ATRNL1: variants seen among roughly 807,000 people sequenced by gnomAD.
The protein encoded by ATRNL1 is attractin like 1.
A neutral mutation model predicts 182.7 loss-of-function variants in ATRNL1; 95 were observed. The observed-to-expected ratio is 0.52, with a 90% CI of 0.44 to 0.62. The LOEUF (loss-of-function observed/expected upper bound fraction) is 0.62, where lower values mean the gene tolerates loss of function less well. Among genes scored for constraint, ATRNL1 ranks in the 20% least tolerant of loss-of-function variants. ATRNL1 has a pLI of 0.00. For synonymous variants in ATRNL1, 576 were observed against 568.3 expected, an observed-to-expected ratio of 1.01 and a Z score of -0.19; for missense variants, 1,471 against 1,679.5, an observed-to-expected ratio of 0.88 and a Z score of 2.17.
intron 27 of ATRNL1, among the ~76,000 whole-genome samples, chr10:115,787,930 A>C (rs2134204560): frequency 6.6e-6 from 1 of 152,356 alleles, no homozygotes; most frequent in South Asian, 2.1e-4. Context: ...TAGTAGATGC[A>C]GAGATTTGAG....
chr10:115,328,523 A>T (rs1417878567), intron 18 of ATRNL1, among the ~76,000 whole-genome samples: 16 of 152,118 alleles, frequency 1.1e-4, no homozygotes, highest in African/African-American at 3.9e-4. Flanking sequence ...ATTGCATCAT[A>T]GGTATTCCTC....
At chr10:115,266,452 A>T (rs1851612540) in intron 11 of ATRNL1, among the ~76,000 whole-genome samples, 1 of 151,582 alleles carries the variant, frequency 6.6e-6, no homozygotes, top group Non-Finnish European at 1.5e-5. Flanking sequence ...TTAAAAAAAT[A>T]CTTATTTTTC....
intron 28 of ATRNL1, among the ~76,000 whole-genome samples, chr10:115,931,735 A>G (rs147098686): frequency 6.6e-6 from 1 of 152,330 alleles, no homozygotes; most frequent in Non-Finnish European, 1.5e-5. Context: ...ACATTCTGTA[A>G]TGACATGTGC....
intron 20 of ATRNL1, among the ~76,000 whole-genome samples, chr10:115,416,973 C>T (rs80287248): frequency 0.012 from 1,899 of 152,254 alleles, 34 homozygotes; most frequent in African/African-American, 0.043. Context: ...AAGAACTCTG[C>T]ACTTATCTAC....
chr10:115,387,794 A>G (rs1843743594), intron 19 of ATRNL1, among the ~76,000 whole-genome samples: 1 of 152,122 alleles, frequency 6.6e-6, no homozygotes, highest in South Asian at 2.1e-4. Context: ...ATTATATTCC[A>G]TTGTATGGAT....
chr10:115,138,472 T>C (rs1156550244), intron 5 of ATRNL1, among the ~76,000 whole-genome samples: 1 of 152,208 alleles, frequency 6.6e-6, no homozygotes, highest in Non-Finnish European at 1.5e-5. Flanking sequence ...GAAATCTAGG[T>C]GAAGGTTCCC....
chr10:115,341,902 G>T (rs1855769792), intron 19 of ATRNL1, among the ~76,000 whole-genome samples: 1 of 151,842 alleles, frequency 6.6e-6, no homozygotes, highest in Non-Finnish European at 1.5e-5. Flanking sequence ...GGCTACATGT[G>T]TCTTTATTTG....
At chr10:115,715,867 C>G (rs1376965592) in intron 26 of ATRNL1, among the ~76,000 whole-genome samples, 1 of 152,180 alleles carries the variant, frequency 6.6e-6, no homozygotes, top group African/African-American at 2.4e-5. Flanking sequence ...TCTGAGCCTG[C>G]TTTAATAGGA....
At chr10:115,855,030 C>T (rs782643135) in intron 28 of ATRNL1, among the ~76,000 whole-genome samples, 46 of 152,302 alleles carry the variant, frequency 3.0e-4, no homozygotes, top group Admixed American at 5.9e-4. Flanking sequence ...TCCTCAACTT[C>T]TCTTCCAGGT....
At chr10:115,557,773 A>G (rs782372412) in intron 26 of ATRNL1, among the ~76,000 whole-genome samples, 82 of 152,324 alleles carry the variant, frequency 5.4e-4, no homozygotes, top group Non-Finnish European at 1.1e-3. Context: ...CCGACTGGGC[A>G]CAGTGGCTCA....
intron 20 of ATRNL1, among the ~76,000 whole-genome samples, chr10:115,425,066 C>G (rs781857405): frequency 3.3e-5 from 5 of 151,930 alleles, no homozygotes; most frequent in Non-Finnish European, 7.4e-5. Flanking sequence ...AATTAATATA[C>G]AGTAAAATTT....
chr10:115,782,579 C>A (rs1207224115), intron 27 of ATRNL1, among the ~76,000 whole-genome samples: 1 of 152,106 alleles, frequency 6.6e-6, no homozygotes, highest in African/African-American at 2.4e-5. Flanking sequence ...CTGTGCCTAT[C>A]CTACAGCATG....
chr10:115,368,781 T>C (rs577371580), intron 19 of ATRNL1, among the ~76,000 whole-genome samples: 10 of 152,062 alleles, frequency 6.6e-5, no homozygotes, highest in Non-Finnish European at 8.8e-5. Context: ...TGGTGTGATC[T>C]TGGTTCACTG....
chr10:115,786,069 CT>C (rs1462664482), intron 27 of ATRNL1, among the ~76,000 whole-genome samples: 5 of 152,150 alleles, frequency 3.3e-5, no homozygotes, highest in Non-Finnish European at 5.9e-5. Flanking sequence ...CTGATAGAAG[CT>C]TTCTCTACAG....
chr10:115,433,773 G>T (rs1490758133), intron 21 of ATRNL1, among the ~76,000 whole-genome samples: 2 of 152,056 alleles, frequency 1.3e-5, no homozygotes, highest in Non-Finnish European at 2.9e-5. Flanking sequence ...GAAGAAGGAT[G>T]AAAATTTATT....
At position 115,127,734 on chromosome 10, in the gene ATRNL1, T is replaced by TA. The variant is rs782792235; in HGVS notation, c.620+18dup. ...ACATTTTCTATTCGTAAGTATTTTT[T>TA]AAAAATTCCTTCTTTTAATGATTCT... On this transcript the variant is annotated intron_variant, in intron 4 of 28. Transcript: ENST00000355044. The TA allele has an allele frequency of 7.2e-7, 1 of 1,383,208 alleles. No homozygotes were observed. The highest frequency in any genetic ancestry group is 1.8e-5 in the South Asian group (1 of 56,752). The allele number at this position is 1,383,208 out of a possible 1,614,324, so 85.7% of individuals were successfully genotyped here.
chr10:115,340,184 C>T (rs1441471633), intron 19 of ATRNL1, among the ~76,000 whole-genome samples: 2 of 152,172 alleles, frequency 1.3e-5, no homozygotes, highest in African/African-American at 4.8e-5. Flanking sequence ...CGCTCTGTCA[C>T]CCAGGCTGGA....
chr10:115,530,345 G>A (rs1049795676), intron 25 of ATRNL1, among the ~76,000 whole-genome samples: 1 of 152,034 alleles, frequency 6.6e-6, no homozygotes. Flanking sequence ...TTACCAGCAA[G>A]GATCAGACAT....
At chr10:115,444,686 G>A (rs1421548785) in intron 21 of ATRNL1, among the ~76,000 whole-genome samples, 1 of 150,564 alleles carries the variant, frequency 6.6e-6, no homozygotes, top group East Asian at 1.9e-4. Context: ...GTCCTTTTAG[G>A]ACACCTGTTT....
Sources: allele counts gnomAD v4.1 joint callset (sites outside exome capture counted in the v4.1 genomes callset), GRCh38; gene constraint gnomAD v4.1.1; transcripts MANE v1.5; gene names NCBI Gene and HGNC (gene_info 2026-07-23, HGNC 2026-07-21).